The following SNX18 variants were observed in gnomAD, a reference collection of about 807,000 sequenced individuals.
SNX18 encodes sorting nexin-18.
Under a neutral mutation model 48.7 loss-of-function variants are expected in SNX18, and 35 were observed. That is an observed-to-expected ratio of 0.72 (90% CI 0.55 to 0.95). SNX18 has a LOEUF of 0.95. Ranked by LOEUF, SNX18 falls within the 40% of genes least tolerant of loss-of-function variation. SNX18 has a pLI of 0.00. For synonymous variants in SNX18, 492 were observed against 384.7 expected (o/e 1.28, Z -3.26); for missense variants, 824 against 871.0 (o/e 0.95, Z 0.68).
intron 1 of SNX18, among the ~76,000 whole-genome samples, chr5:54,534,171 CA>C (rs1300058894): frequency 6.6e-6 from 1 of 151,658 alleles, no homozygotes; most frequent in African/African-American, 2.4e-5. Context: ...CCCTGGAAGA[CA>C]GAAATCGAGT....
the SNX18 span, among the ~76,000 whole-genome samples, chr5:54,617,784 A>G: frequency 6.6e-6 from 1 of 151,796 alleles, no homozygotes; most frequent in African/African-American, 2.4e-5. Context: ...CTGGTCTCCA[A>G]CTCCTGGCTT....
chr5:54,521,244 G>T (rs1291499121), intron 1 of SNX18, among the ~76,000 whole-genome samples: 1 of 152,222 alleles, frequency 6.6e-6, no homozygotes, highest in Admixed American at 6.5e-5. Context: ...GTGCTGGGCC[G>T]CTGGTGTCTG....
At chr5:54,524,686 T>G (rs1177449761) in intron 1 of SNX18, among the ~76,000 whole-genome samples, 1 of 152,250 alleles carries the variant, frequency 6.6e-6, no homozygotes, top group Non-Finnish European at 1.5e-5. Context: ...GATTATAAAG[T>G]GGCAGAGTAA....
chr5:54,538,712 C>A (rs1762404150), intron 1 of SNX18, among the ~76,000 whole-genome samples: 1 of 152,180 alleles, frequency 6.6e-6, no homozygotes, highest in South Asian at 2.1e-4. Flanking sequence ...CATTGTCATT[C>A]TGAACATTAA....
In SNX18 at chr5:54,518,392, G is replaced by T. The variant is rs767951209; in HGVS notation, c.440G>T (p.Ser147Ile). 2.5e-6 allele frequency: 4 copies of T among 1,580,164 alleles called. No homozygotes were observed. The highest frequency in any genetic ancestry group is 3.6e-5 in the Admixed American group (2 of 56,228). Residue 147 changes from serine to isoleucine, a missense_variant, in exon 1 of 2, where the codon AGC (serine) becomes ATC (isoleucine). Ser to Ile is a moderately radical substitution (Grantham distance 142). Around this residue, in one of 3 missense-constraint regions of SNX18, gnomAD observed 377 missense variants for 350.6 expected, o/e 1.08. Coordinates refer to ENST00000381410, the MANE Select transcript of SNX18 (RefSeq NM_001102575.2). The stretch of plus-strand genomic sequence containing the variant: ...CAGCTCTACGGCGGCTACCAGGCCA[G>T]CCAAGGCAGCGATGATGACTGGGAC... Reference protein sequence around the residue: ...PQQLYGGYQASQGSDDDWDDE... With the variant: ...PQQLYGGYQAIQGSDDDWDDE...
the SNX18 span, among the ~76,000 whole-genome samples, chr5:54,587,096 G>A: frequency 6.6e-6 from 1 of 151,726 alleles, no homozygotes; most frequent in African/African-American, 2.4e-5. Flanking sequence ...TATTCCCCTG[G>A]GATATTCAGC....
the SNX18 span, among the ~76,000 whole-genome samples, chr5:54,623,411 C>T: frequency 6.6e-6 from 1 of 152,022 alleles, no homozygotes; most frequent in Non-Finnish European, 1.5e-5. Flanking sequence ...GCAGTGTAGC[C>T]CAGCATTGCA....
chr5:54,628,278 G>T, the SNX18 span, among the ~76,000 whole-genome samples: 1 of 152,152 alleles, frequency 6.6e-6, no homozygotes, highest in Non-Finnish European at 1.5e-5. Flanking sequence ...CAAAAGGTGA[G>T]GTCTGAGAGG....
At chr5:54,585,703 G>A in the SNX18 span, among the ~76,000 whole-genome samples, 1 of 152,026 alleles carries the variant, frequency 6.6e-6, no homozygotes, top group South Asian at 2.1e-4. Context: ...AACAGAGGTG[G>A]CTTAAATACT....
At position 54,546,111 on chromosome 5, in the gene SNX18, G is replaced by A. The variant is rs1370406985; in HGVS notation, c.*2679G>A. 6.6e-6 allele frequency: 1 copy of A among 152,192 alleles called. No individual in the cohort carries two copies. The highest frequency in any genetic ancestry group is 1.9e-4 in the East Asian group (1 of 5,200). 9.4% of individuals were successfully genotyped at this position (152,192 alleles called of 1,614,324 possible). Reference sequence around the variant, plus strand: ...GAGGGAACGCATTCAAAAGTGAAATGTAAAGCCAGTGCACGAATATTATAG... The same window carrying A: ...GAGGGAACGCATTCAAAAGTGAAATATAAAGCCAGTGCACGAATATTATAG... On this transcript the variant is annotated 3_prime_UTR_variant, in exon 2 of 2. Transcript: ENST00000381410.
chr5:54,632,093 G>A, the SNX18 span, among the ~76,000 whole-genome samples: 1 of 152,196 alleles, frequency 6.6e-6, no homozygotes. Context: ...AGGTTGAGGG[G>A]TGCATAGCAG....
At chr5:54,619,889 A>C in the SNX18 span, among the ~76,000 whole-genome samples, 1 of 152,210 alleles carries the variant, frequency 6.6e-6, no homozygotes, top group South Asian at 2.1e-4. Flanking sequence ...CATTTTACAC[A>C]TGAGTAGAGA....
chr5:54,569,051 C>T, the SNX18 span, among the ~76,000 whole-genome samples: 11 of 151,492 alleles, frequency 7.3e-5, no homozygotes, highest in Non-Finnish European at 1.5e-4. Context: ...CCATGTTTGC[C>T]AGGCTGGTCT....
At chr5:54,561,749 C>G in the SNX18 span, among the ~76,000 whole-genome samples, 1 of 152,292 alleles carries the variant, frequency 6.6e-6, no homozygotes, top group East Asian at 1.9e-4. Flanking sequence ...GTACAACAGA[C>G]TAACAGTGAT....
At chr5:54,542,659 A>G (rs1404906320) in intron 1 of SNX18, among the ~76,000 whole-genome samples, 1 of 152,208 alleles carries the variant, frequency 6.6e-6, no homozygotes, top group South Asian at 2.1e-4. Context: ...CATGATTCCA[A>G]AACACAACCT....
the SNX18 span, among the ~76,000 whole-genome samples, chr5:54,606,429 C>T: frequency 6.6e-6 from 1 of 152,124 alleles, no homozygotes; most frequent in Non-Finnish European, 1.5e-5. Context: ...ATTTACCCAA[C>T]TTTTGGTCTT....
chr5:54,620,136 A>G, the SNX18 span, among the ~76,000 whole-genome samples: 1 of 152,106 alleles, frequency 6.6e-6, no homozygotes, highest in Non-Finnish European at 1.5e-5. Context: ...GAGCTCTGTC[A>G]GTTAAGGAAG....
the SNX18 span, among the ~76,000 whole-genome samples, chr5:54,560,247 C>T: frequency 6.6e-6 from 1 of 152,186 alleles, no homozygotes; most frequent in African/African-American, 2.4e-5. Flanking sequence ...CAGTGGTGGA[C>T]TGGATAAAGA....
chr5:54,645,821 G>A, the SNX18 span: 1 of 152,150 alleles, frequency 6.6e-6, no homozygotes, highest in Non-Finnish European at 1.5e-5. Flanking sequence ...TGTGAACACC[G>A]GGTTCTGAAT....
Sources: gnomAD v4.1 joint callset for allele counts (sites outside exome capture counted in the v4.1 genomes callset) on GRCh38, gnomAD v4.1.1 for gene constraint, gnomAD v4.1.1 regional missense constraint, MANE v1.5 for transcripts, NCBI Gene and HGNC (gene_info 2026-07-23, HGNC 2026-07-21) for gene names.